Variants in PLXDC2 observed in about 807,000 individuals in gnomAD.
The protein encoded by PLXDC2 is plexin domain-containing protein 2.
Under a neutral mutation model 68.9 loss-of-function variants are expected in PLXDC2, and 40 were observed. The ratio of observed to expected loss-of-function variants is 0.58; its 90% CI spans 0.45 to 0.76. The LOEUF (loss-of-function observed/expected upper bound fraction) is 0.76, where lower values mean the gene tolerates loss of function less well. PLXDC2 is among the 30% of genes least tolerant of loss of function. The pLI is 0.00. For missense variants in PLXDC2, 644 were observed against 661.9 expected (o/e 0.97, Z 0.30); for synonymous variants, 243 against 234.2 (o/e 1.04, Z -0.34).
At chr10:20,242,975 G>A (rs753198685) in intron 12 of PLXDC2, among the ~76,000 whole-genome samples, 22 of 152,112 alleles carry the variant, frequency 1.4e-4, no homozygotes, top group Non-Finnish European at 2.5e-4. Context: ...GCCTCCCAAC[G>A]TGCTGGGATT....
chr10:19,953,605 TA>T (rs1173253000), intron 1 of PLXDC2, among the ~76,000 whole-genome samples: 1 of 152,212 alleles, frequency 6.6e-6, no homozygotes, highest in African/African-American at 2.4e-5. Context: ...GTATTAGCAT[TA>T]AAATCCATTC....
chr10:19,827,391 C>T (rs1457818935), intron 1 of PLXDC2, among the ~76,000 whole-genome samples: 1 of 152,096 alleles, frequency 6.6e-6, no homozygotes, highest in East Asian at 1.9e-4. Flanking sequence ...ATAAACATTT[C>T]AGATTTTGCT....
intron 1 of PLXDC2, among the ~76,000 whole-genome samples, chr10:19,829,747 A>G (rs1022768986): frequency 7.2e-5 from 11 of 152,168 alleles, no homozygotes; most frequent in Admixed American, 7.2e-4. Flanking sequence ...AATTTAAAAA[A>G]AAAGTCAAAA....
intron 1 of PLXDC2, among the ~76,000 whole-genome samples, chr10:19,921,999 C>T (rs867705262): frequency 6.6e-6 from 1 of 152,124 alleles, no homozygotes; most frequent in Non-Finnish European, 1.5e-5. Context: ...GTGGGACTAA[C>T]AGTCATGCAC....
At chr10:19,930,066 T>C (rs1483595443) in intron 1 of PLXDC2, among the ~76,000 whole-genome samples, 2 of 152,142 alleles carry the variant, frequency 1.3e-5, no homozygotes, top group Non-Finnish European at 2.9e-5. Context: ...TAGAATTTCA[T>C]TGCTCCAGCC....
intron 4 of PLXDC2, among the ~76,000 whole-genome samples, chr10:20,104,363 C>A (rs1383223141): frequency 6.6e-6 from 1 of 152,124 alleles, no homozygotes; most frequent in Non-Finnish European, 1.5e-5. Flanking sequence ...AAATTTTAAG[C>A]CTCCTATCTT....
At position 20,068,253 on chromosome 10, in the gene PLXDC2, TACCCATTC is replaced by T; in HGVS notation, c.541+18_541+25del. 6.3e-7 allele frequency: 1 copy of T among 1,593,514 alleles called. No individual in the cohort carries two copies. Among genetic ancestry groups the T allele is most frequent in the Non-Finnish European group, 8.6e-7 (1 of 1,161,986 alleles). On this transcript the variant is annotated intron_variant, in intron 4 of 13. Coordinates refer to ENST00000377252, the MANE Select transcript of PLXDC2 (RefSeq NM_032812.9). ...TGGCAACCGGGGGTAAGTGGTTTTC[TACCCATTC>T]ACCTTAAGTAATCTATGGTTTGACT... is the stretch of plus-strand genomic sequence containing the variant.
intron 2 of PLXDC2, among the ~76,000 whole-genome samples, chr10:20,005,901 A>G (rs1835020268): frequency 6.6e-6 from 1 of 152,134 alleles, no homozygotes; most frequent in African/African-American, 2.4e-5. Flanking sequence ...TTGAAATGGT[A>G]TTTGTGGGCC....
At chr10:20,238,530 C>T (rs1292589823) in intron 12 of PLXDC2, among the ~76,000 whole-genome samples, 1 of 150,286 alleles carries the variant, frequency 6.7e-6, no homozygotes, top group African/African-American at 2.4e-5. Context: ...GCCTGTAGTC[C>T]CAGCTACTCA....
intron 1 of PLXDC2, among the ~76,000 whole-genome samples, chr10:19,911,199 T>C (rs963183143): frequency 1.3e-5 from 2 of 152,034 alleles, no homozygotes; most frequent in South Asian, 4.2e-4. Context: ...TTATCTAGTG[T>C]GTATGCTCAA....
intron 1 of PLXDC2, among the ~76,000 whole-genome samples, chr10:19,958,544 A>G (rs149698384): frequency 0.01 from 1,549 of 152,262 alleles, 14 homozygotes; most frequent in Non-Finnish European, 0.016. Context: ...CTCTGTAACC[A>G]GATCTCCTCT....
intron 4 of PLXDC2, among the ~76,000 whole-genome samples, chr10:20,102,292 T>C (rs1339644054): frequency 6.6e-6 from 1 of 152,252 alleles, no homozygotes; most frequent in African/African-American, 2.4e-5. Context: ...GATTAAATTA[T>C]TTTGATTTAG....
intron 4 of PLXDC2, among the ~76,000 whole-genome samples, chr10:20,092,679 A>G (rs927946597): frequency 1.4e-4 from 21 of 152,114 alleles, no homozygotes; most frequent in African/African-American, 5.1e-4. Flanking sequence ...GTTACCTCAT[A>G]AAGAAAAAAA....
intron 1 of PLXDC2, among the ~76,000 whole-genome samples, chr10:19,919,987 C>T (rs1032527709): frequency 6.6e-6 from 1 of 152,208 alleles, no homozygotes; most frequent in Non-Finnish European, 1.5e-5. Context: ...ACTTTACCCA[C>T]CCCCAAACAC....
chr10:19,925,784 G>A (rs1034612857), intron 1 of PLXDC2, among the ~76,000 whole-genome samples: 3 of 152,200 alleles, frequency 2.0e-5, no homozygotes, highest in Non-Finnish European at 4.4e-5. Flanking sequence ...GCTTTTATCA[G>A]CCTCTGTAGG....
chr10:20,174,396 A>G (rs1180787277), intron 7 of PLXDC2, among the ~76,000 whole-genome samples: 1 of 152,154 alleles, frequency 6.6e-6, no homozygotes, highest in African/African-American at 2.4e-5. Context: ...TATGAAGTTT[A>G]CTTTTTGAAA....
At chr10:20,059,931 A>G (rs1450057475) in intron 3 of PLXDC2, among the ~76,000 whole-genome samples, 5 of 152,202 alleles carry the variant, frequency 3.3e-5, no homozygotes, top group Non-Finnish European at 2.9e-5. Context: ...ATTCACATAT[A>G]TGCCTTTCCA....
At chr10:19,881,002 T>G (rs934771683) in intron 1 of PLXDC2, among the ~76,000 whole-genome samples, 3 of 152,242 alleles carry the variant, frequency 2.0e-5, no homozygotes. Context: ...AAAATTAGGT[T>G]GTGCTCAAAT....
At chr10:20,211,778 C>T (rs2131857952) in intron 10 of PLXDC2, 49 bp downstream of exon 10, 1 of 1,558,338 alleles carries the variant, frequency 6.4e-7, no homozygotes, top group Non-Finnish European at 8.8e-7. Context: ...CTGTCATATA[C>T]ATGTGTTTTA....
Sources: gnomAD v4.1 joint callset for allele counts (sites outside exome capture counted in the v4.1 genomes callset) on GRCh38, gnomAD v4.1.1 for gene constraint, MANE v1.5 for transcripts, NCBI Gene and HGNC (gene_info 2026-07-23, HGNC 2026-07-21) for gene names.